Variants in JADE3 observed in about 807,000 individuals in gnomAD.
JADE3 encodes the protein jade family PHD finger 3.
JADE3 carries 2 observed loss-of-function variants against 50.1 expected under a neutral mutation model. That is an observed-to-expected ratio of 0.04 (90% CI 0.02 to 0.13). JADE3 has a LOEUF of 0.13. Among genes scored for constraint, JADE3 ranks in the 10% least tolerant of loss-of-function variants. The pLI is 1.00. For missense variants in JADE3, 475 were observed against 634.4 expected (o/e 0.75, Z 2.70); for synonymous variants, 218 against 232.9 (o/e 0.94, Z 0.58).
At chrX:47,036,964 T>G (rs1440716053) in intron 7 of JADE3, among the ~76,000 whole-genome samples, 3 of 60,256 alleles carry the variant, frequency 5.0e-5, no homozygotes, top group Admixed American at 2.2e-4. Context: ...TGTGGTGGGG[T>G]AGGGGGAGGG....
chrX:46,949,248 C>T (rs1556344230), intron 1 of JADE3, among the ~76,000 whole-genome samples: 2 of 111,876 alleles, frequency 1.8e-5, no homozygotes, highest in Non-Finnish European at 3.8e-5. Flanking sequence ...CAAATCTACT[C>T]TACTAGTGAT....
intron 4 of JADE3, among the ~76,000 whole-genome samples, chrX:47,018,579 C>A (rs1483805431): frequency 1.8e-5 from 2 of 111,813 alleles, no homozygotes; most frequent in Admixed American, 9.5e-5. Flanking sequence ...CGTGATCCAC[C>A]CGCCTCGGCC....
chrX:46,971,794 T>C (rs184477398), intron 1 of JADE3, among the ~76,000 whole-genome samples: 5 of 85,548 alleles, frequency 5.8e-5, no homozygotes, highest in Non-Finnish European at 1.2e-4. Flanking sequence ...AGACTCCGTC[T>C]AAAAAAAAAA....
intron 1 of JADE3, among the ~76,000 whole-genome samples, chrX:46,973,625 C>T (rs1425492534): frequency 4.5e-5 from 5 of 112,065 alleles, no homozygotes; most frequent in African/African-American, 1.3e-4. Flanking sequence ...GTTTTGTTTC[C>T]ATGACATTGA....
chrX:47,036,206 T>C (rs367607482), intron 7 of JADE3, among the ~76,000 whole-genome samples: 107 of 111,215 alleles, frequency 9.6e-4, no homozygotes, highest in African/African-American at 3.2e-3. Context: ...TCTTGTAAAT[T>C]TGGTTGAGTT....
chrX:47,048,270 G>A (rs1424304249), intron 8 of JADE3, among the ~76,000 whole-genome samples: 1 of 111,464 alleles, frequency 9.0e-6, no homozygotes, highest in East Asian at 2.8e-4. Flanking sequence ...GACATTCCAG[G>A]GGCTTAAAGG....
intron 4 of JADE3, among the ~76,000 whole-genome samples, chrX:47,006,973 T>A (rs1184307983): frequency 1.8e-5 from 2 of 109,818 alleles, no homozygotes; most frequent in Admixed American, 1.9e-4. Flanking sequence ...TCTTTTTTTT[T>A]TTCTTTTCTT....
chrX:47,027,656 C>T (rs782197297), intron 5 of JADE3, among the ~76,000 whole-genome samples: 191 of 112,254 alleles, frequency 1.7e-3, no homozygotes, highest in Non-Finnish European at 3.1e-3. Flanking sequence ...AATATATCTT[C>T]TAAGGAACAT....
chrX:47,003,714 A>G (rs935247597), intron 4 of JADE3, among the ~76,000 whole-genome samples: 4 of 100,468 alleles, frequency 4.0e-5, no homozygotes, highest in East Asian at 2.9e-4. Flanking sequence ...ATATATAAAA[A>G]TTACAAATTA....
rs143530375 is a variant in JADE3 at position 46,959,510 on chromosome X, A to G, written c.-11-25374A>G. 4.5e-4 allele frequency among the ~76,000 whole-genome samples: 50 copies of G among 111,910 alleles called. 1 individual carries two copies. Among genetic ancestry groups the G allele is most frequent in the Admixed American group, 2.2e-3 (23 of 10,553 alleles). ...TAGTCTCTGCCCTCTTGAAGTGTCA[A>G]TGTGTAAGGAAATGGACTTTAATGT... On this transcript the variant is annotated intron_variant, in intron 1 of 10. Transcript: ENST00000614628.
chrX:47,011,038 A>G lies in JADE3; in HGVS notation c.284+12761A>G, dbSNP rs915280563. Among the ~76,000 whole-genome samples the G allele has an allele frequency of 3.3e-4, 37 of 111,024 alleles. No individual in the cohort carries two copies. The Admixed American group carries it at 3.6e-3, about 11-fold the overall frequency. On this transcript the variant is annotated intron_variant, in intron 4 of 10. Transcript: ENST00000614628. ...GTCTCCTTCTAAGGACACCAGCCCT[A>G]TCAGACTAAGGCCCCATCCTTATGA...
At chrX:46,914,180 ACTTTCC>A (rs1926031686) in intron 1 of JADE3, among the ~76,000 whole-genome samples, 1 of 112,197 alleles carries the variant, frequency 8.9e-6, no homozygotes, top group Non-Finnish European at 1.9e-5. Context: ...CCTGTTAAAT[ACTTTCC>A]CTTTAGCCAC....
intron 1 of JADE3, among the ~76,000 whole-genome samples, chrX:46,958,275 A>G (rs936578939): frequency 8.9e-6 from 1 of 112,451 alleles, no homozygotes; most frequent in Admixed American, 9.4e-5. Flanking sequence ...TGTATTTGGG[A>G]AACAATTTAA....
intron 1 of JADE3, among the ~76,000 whole-genome samples, chrX:46,919,035 C>A (rs1821050585): frequency 8.9e-6 from 1 of 112,331 alleles, no homozygotes; most frequent in Non-Finnish European, 1.9e-5. Context: ...TTTGATAAAT[C>A]TTGTTAAACA....
chrX:47,021,449 T>C (rs1602411682), intron 4 of JADE3, among the ~76,000 whole-genome samples: 1 of 111,608 alleles, frequency 9.0e-6, no homozygotes, highest in African/African-American at 3.3e-5. Flanking sequence ...GTGTACACTT[T>C]TGCTAAGTAT....
intron 3 of JADE3, among the ~76,000 whole-genome samples, chrX:46,995,267 A>T (rs1488687984): frequency 1.8e-5 from 2 of 110,646 alleles, no homozygotes; most frequent in Non-Finnish European, 3.8e-5. Context: ...CTGACCTCGT[A>T]ATCCACCCGC....
At chrX:46,989,563 TG>T (rs1196239048) in intron 3 of JADE3, among the ~76,000 whole-genome samples, 3 of 111,978 alleles carry the variant, frequency 2.7e-5, no homozygotes, top group African/African-American at 9.7e-5. Flanking sequence ...ATGAGAAATC[TG>T]CCCCCATTCA....
At chrX:47,047,564 A>AT (rs1361058742) in intron 8 of JADE3, among the ~76,000 whole-genome samples, 1 of 110,718 alleles carries the variant, frequency 9.0e-6, no homozygotes, top group East Asian at 2.8e-4. Context: ...AAAAAAAAAA[A>AT]GTAAATAAAC....
At chrX:46,929,790 C>T (rs1417844963) in intron 1 of JADE3, among the ~76,000 whole-genome samples, 4 of 111,944 alleles carry the variant, frequency 3.6e-5, no homozygotes, top group Non-Finnish European at 7.5e-5. Flanking sequence ...CTAAACATAC[C>T]ATGAGTCATT....
Sources: allele counts gnomAD v4.1 joint callset (sites outside exome capture counted in the v4.1 genomes callset), GRCh38; gene constraint gnomAD v4.1.1; transcripts MANE v1.5; gene names NCBI Gene and HGNC (gene_info 2026-07-23, HGNC 2026-07-21).